The following NTN4 variants were observed in gnomAD, a reference collection of about 807,000 sequenced individuals.
NTN4 encodes the protein netrin 4.
In NTN4, 32 loss-of-function variants were observed where a neutral mutation model predicts 73.6. That is an observed-to-expected ratio of 0.44 (90% CI 0.33 to 0.58). The LOEUF is 0.58. NTN4 is among the 20% of genes least tolerant of loss of function. NTN4 has a pLI of 0.04. For missense variants in NTN4, 654 were observed against 798.3 expected (o/e 0.82, Z 2.18); for synonymous variants, 258 against 287.5 (o/e 0.90, Z 1.04).
Position 95,683,535 on chromosome 12 carries a change from C to T in NTN4, c.1357G>A (p.Gly453Arg), listed in dbSNP as rs200099152. ...DYGCRPCDCA[G>R]SCDPITGDCI... ...TCTCCGGTGATAGGGTCACAGCTCCCCGCACAGTCACATGGTCGACAGCCA... is the reference window on the plus strand; with the variant it reads ...TCTCCGGTGATAGGGTCACAGCTCCTCGCACAGTCACATGGTCGACAGCCA... The change falls in exon 6 of 10, where the codon GGG (glycine) becomes AGG (arginine). Residue 453 changes from glycine to arginine, a missense_variant. Transcript: ENST00000343702. 73 of 1,614,168 alleles carry T rather than the reference C, an allele frequency of 4.5e-5. No individual in the cohort carries two copies. Among genetic ancestry groups the T allele is most frequent in the Admixed American group, 1.3e-4 (8 of 60,022 alleles).
chr12:95,742,640 C>T (rs1185869005), intron 2 of NTN4, among the ~76,000 whole-genome samples: 1 of 152,148 alleles, frequency 6.6e-6, no homozygotes, highest in Admixed American at 6.5e-5. Flanking sequence ...CAAGGCCGTC[C>T]TGTGGACTCC....
chr12:95,760,937 T>C (rs1017037060), intron 2 of NTN4, among the ~76,000 whole-genome samples: 40 of 152,346 alleles, frequency 2.6e-4, no homozygotes, highest in Admixed American at 1.3e-3. Flanking sequence ...CCATCTCCCT[T>C]TCTTCCTTAA....
rs541558567 is a variant in NTN4, at chr12:95,784,333, T to C, written c.585+2606A>G. 3.9e-5 allele frequency among the ~76,000 whole-genome samples: 6 copies of C among 152,348 alleles called. No homozygotes were observed. In the South Asian group the frequency reaches 1.0e-3, roughly 26 times the overall value. On this transcript the variant is annotated intron_variant, in intron 2 of 9. Coordinates refer to ENST00000343702, the MANE Select transcript of NTN4 (RefSeq NM_021229.4). ...GAGTTAGAGAAAGACTCTTCCATTCTTTAACTCAGGAGAGAAAGATTAGTT... is the reference window on the plus strand; with the variant it reads ...GAGTTAGAGAAAGACTCTTCCATTCCTTAACTCAGGAGAGAAAGATTAGTT...
chr12:95,786,887 G>T, intron 2 of NTN4, 52 bp downstream of exon 2: 1 of 1,467,552 alleles, frequency 6.8e-7, no homozygotes. Context: ...AATGCGGGCT[G>T]GTAACATTTT....
intron 3 of NTN4, 147 bp downstream of exon 3, chr12:95,737,719 G>A: frequency 1.5e-6 from 1 of 686,698 alleles, no homozygotes; most frequent in South Asian, 2.1e-5. Context: ...CAAGTTAACA[G>A]GCACTTTATA....
At chr12:95,696,054 G>A (rs1013766366) in intron 5 of NTN4, among the ~76,000 whole-genome samples, 2 of 139,462 alleles carry the variant, frequency 1.4e-5, no homozygotes, top group Non-Finnish European at 1.5e-5. Flanking sequence ...TTTTCCACCT[G>A]TTCAGCCTCC....
At chr12:95,691,583 A>T (rs1208467501) in intron 5 of NTN4, among the ~76,000 whole-genome samples, 1 of 151,938 alleles carries the variant, frequency 6.6e-6, no homozygotes, top group African/African-American at 2.4e-5. Flanking sequence ...TTTAGTAGAG[A>T]CGGGGTTTTG....
chr12:95,732,573 T>C (rs1327620461), intron 3 of NTN4, among the ~76,000 whole-genome samples: 1 of 151,916 alleles, frequency 6.6e-6, no homozygotes, highest in Non-Finnish European at 1.5e-5. Context: ...CCAGCTAATT[T>C]TTGTATTTTA....
intron 2 of NTN4, among the ~76,000 whole-genome samples, chr12:95,756,834 C>A (rs2078950632): frequency 6.6e-6 from 1 of 151,950 alleles, no homozygotes; most frequent in Non-Finnish European, 1.5e-5. Context: ...CCAGCTGTTG[C>A]CCATGCTATT....
intron 5 of NTN4, among the ~76,000 whole-genome samples, chr12:95,692,763 T>C (rs999022338): frequency 3.3e-5 from 5 of 152,166 alleles, no homozygotes; most frequent in African/African-American, 1.2e-4. Flanking sequence ...GAAAATAAAA[T>C]AGAAGCAATA....
intron 7 of NTN4, among the ~76,000 whole-genome samples, chr12:95,675,686 T>TAAAG (rs970975576): frequency 9.2e-5 from 14 of 152,064 alleles, no homozygotes; most frequent in African/African-American, 3.4e-4. Context: ...AAAAAAAATG[T>TAAAG]AAAGAAAGAA....
intron 3 of NTN4, among the ~76,000 whole-genome samples, chr12:95,713,711 T>C (rs1038854977): frequency 2.1e-4 from 32 of 152,128 alleles, no homozygotes; most frequent in African/African-American, 7.7e-4. Context: ...ATCCATAATC[T>C]CATTGCAAAA....
At chr12:95,773,011 C>CT (rs752476206) in intron 2 of NTN4, among the ~76,000 whole-genome samples, 3 of 45,368 alleles carry the variant, frequency 6.6e-5, no homozygotes, top group Admixed American at 1.6e-4. Flanking sequence ...TTTCTTTTTT[C>CT]TTTTTTTTTG....
chr12:95,783,271 T>C (rs1187935333), intron 2 of NTN4, among the ~76,000 whole-genome samples: 1 of 152,244 alleles, frequency 6.6e-6, no homozygotes, highest in East Asian at 1.9e-4. Context: ...GAGGGTTTCA[T>C]AGCCAAGTAA....
intron 2 of NTN4, among the ~76,000 whole-genome samples, chr12:95,762,729 G>A (rs2078996611): frequency 6.6e-6 from 1 of 152,190 alleles, no homozygotes; most frequent in Non-Finnish European, 1.5e-5. Flanking sequence ...GTTTCCTTCT[G>A]CTCATGGAGT....
At chr12:95,767,445 A>C (rs1329314858) in intron 2 of NTN4, among the ~76,000 whole-genome samples, 1 of 152,206 alleles carries the variant, frequency 6.6e-6, no homozygotes, top group East Asian at 1.9e-4. Flanking sequence ...TCACCGAAGA[A>C]AGTTTTCTCC....
At chr12:95,686,330 A>G (rs1424955169) in intron 5 of NTN4, among the ~76,000 whole-genome samples, 1 of 152,254 alleles carries the variant, frequency 6.6e-6, no homozygotes. Flanking sequence ...AGAGGTATAC[A>G]TAAAGCACTG....
At chr12:95,709,682 C>T (rs1344002355) in intron 5 of NTN4, among the ~76,000 whole-genome samples, 2 of 151,974 alleles carry the variant, frequency 1.3e-5, no homozygotes, top group Non-Finnish European at 2.9e-5. Context: ...TACAGGCCTA[C>T]AGCACCATAC....
intron 2 of NTN4, among the ~76,000 whole-genome samples, chr12:95,764,403 G>T (rs1014330528): frequency 6.6e-6 from 1 of 152,176 alleles, no homozygotes; most frequent in Non-Finnish European, 1.5e-5. Context: ...AGTGGCTCAC[G>T]CCTGTAATCC....
Sources: allele counts gnomAD v4.1 joint callset (sites outside exome capture counted in the v4.1 genomes callset), GRCh38; gene constraint gnomAD v4.1.1; transcripts MANE v1.5; gene names NCBI Gene and HGNC (gene_info 2026-07-23, HGNC 2026-07-21).